The following DYSF variants were observed in gnomAD, a reference collection of about 807,000 sequenced individuals.
The protein encoded by DYSF is dystrophy-associated fer-1-like 1.
DYSF carries 212 observed loss-of-function variants against 274.9 expected under a neutral mutation model. That is an observed-to-expected ratio of 0.77 (90% CI 0.69 to 0.86). The LOEUF (loss-of-function observed/expected upper bound fraction) is 0.86. Among genes scored for constraint, DYSF ranks in the 40% least tolerant of loss-of-function variants. The pLI is 0.00. For missense variants in DYSF, 2,666 were observed against 2,783.2 expected (o/e 0.96, Z 0.95); for synonymous variants, 1,091 against 1,078.7 (o/e 1.01, Z -0.22).
chr2:71,476,607 A>C (rs1405393094), intron 1 of DYSF, among the ~76,000 whole-genome samples: 1 of 151,856 alleles, frequency 6.6e-6, no homozygotes, highest in East Asian at 1.9e-4. Context: ...GATTGCATGC[A>C]CTCACAGTTA....
chr2:71,668,774 C>T lies in DYSF; in HGVS notation c.5478C>T (p.Val1826=), dbSNP rs145143725. The change falls in exon 49 of 56, where the codon GTC becomes GTT. Residue 1826 remains valine, a synonymous_variant. Transcript: ENST00000410020. The stretch of plus-strand genomic sequence containing the variant: ...CGCAGGGGAAGCTGCAGATGTGGGT[C>T]GACCTATTTCCGAAGGCCCTGGGGC... The part of the protein sequence containing the change: ...DIEQGKLQMW[V]DLFPKALGRP... 380 of 1,613,814 alleles carry T rather than the reference C, an allele frequency of 2.4e-4. No individual in the cohort carries two copies. Among genetic ancestry groups the T allele is most frequent in the Middle Eastern group, 4.9e-4 (3 of 6,062 alleles).
chr2:71,586,797 A>T (rs759623075), intron 30 of DYSF, among the ~76,000 whole-genome samples: 12 of 151,956 alleles, frequency 7.9e-5, no homozygotes, highest in Admixed American at 6.5e-5. Flanking sequence ...GAGAGGAAGG[A>T]TGGGGCCCTG....
chr2:71,669,315 A>C, intron 50 of DYSF, 108 bp downstream of exon 50: 1 of 1,062,618 alleles, frequency 9.4e-7, no homozygotes, highest in Non-Finnish European at 1.4e-6. Context: ...AAGAACAAAC[A>C]AACTTCCAAC....
chr2:71,514,375 CT>C (rs2152732700), intron 7 of DYSF, among the ~76,000 whole-genome samples: 1 of 152,246 alleles, frequency 6.6e-6, no homozygotes, highest in African/African-American at 2.4e-5. Context: ...AGATCCTTAC[CT>C]CAAAGAAGCT....
rs777854269 is a variant in DYSF at position 71,568,215 on chromosome 2, C to T, written c.2741C>T (p.Thr914Ile). Residue 914 changes from threonine (T) to isoleucine (I), a missense_variant, in exon 26 of 56, where the codon ACA (threonine) becomes ATA (isoleucine). Around this residue, in one of 3 missense-constraint regions of DYSF, gnomAD observed 412 missense variants for 504.0 expected, o/e 0.82. Coordinates refer to ENST00000410020, the MANE Select transcript of DYSF (RefSeq NM_001130987.2). ...TKLALVGNWG[T>I]TGLTYPKFSD... ...TTGGCCCTTGTTGGGAACTGGGGCACAACGGGCCTCACCTACCCCAAGTTT... is the reference window on the plus strand; with the variant it reads ...TTGGCCCTTGTTGGGAACTGGGGCATAACGGGCCTCACCTACCCCAAGTTT... 3.1e-6 allele frequency: 5 copies of T among 1,614,252 alleles called. No homozygotes were observed. Among genetic ancestry groups the T allele is most frequent in the Non-Finnish European group, 4.2e-6 (5 of 1,180,044 alleles).
At chr2:71,458,275 T>C (rs1244799295) in intron 1 of DYSF, among the ~76,000 whole-genome samples, 2 of 152,206 alleles carry the variant, frequency 1.3e-5, no homozygotes, top group Non-Finnish European at 2.9e-5. Context: ...TTTACATAAA[T>C]TTATTATAAT....
intron 1 of DYSF, among the ~76,000 whole-genome samples, chr2:71,458,015 C>A (rs923259710): frequency 4.6e-5 from 7 of 152,206 alleles, no homozygotes; most frequent in African/African-American, 7.2e-5. Context: ...CAGCATCGAA[C>A]AAGAGGGAGA....
chr2:71,595,598 G>C (rs112097416), intron 32 of DYSF, among the ~76,000 whole-genome samples: 300 of 152,314 alleles, frequency 2.0e-3, no homozygotes, highest in African/African-American at 7.0e-3. Context: ...GGCTCAGCCC[G>C]AACAGCCTGG....
Position 71,570,330 on chromosome 2 carries a change from G to T in DYSF, c.3081G>T (p.Glu1027Asp). 1 of 1,614,046 alleles carries T rather than the reference G, an allele frequency of 6.2e-7. No homozygotes were observed. Among genetic ancestry groups the T allele is most frequent in the Non-Finnish European group, 8.5e-7 (1 of 1,179,962 alleles). The change falls in exon 28 of 56, where the codon GAG becomes GAT. Residue 1027 changes from glutamate (E) to aspartate (D), a missense_variant. Glu to Asp is a conservative substitution (Grantham distance 45). This residue lies in a region of DYSF where 1,460 missense variants were observed against 1,502.1 expected (regional missense o/e 0.97). Transcript: ENST00000410020. ...CAGACCTCAACCGGGCTGTCGATGAGCAAGGTGGGCAGCATGTGGAACCTG... is the reference window on the plus strand; with the variant it reads ...CAGACCTCAACCGGGCTGTCGATGATCAAGGTGGGCAGCATGTGGAACCTG... ...WSTDLNRAVD[E>D]QGWEYSITIP...
At chr2:71,608,285 G>A (rs1172608314) in intron 36 of DYSF, among the ~76,000 whole-genome samples, 2 of 151,972 alleles carry the variant, frequency 1.3e-5, no homozygotes, top group Non-Finnish European at 2.9e-5. Flanking sequence ...TGGGAGATGG[G>A]GATGTCTTTA....
chr2:71,472,833 G>A (rs1001089973), intron 1 of DYSF, among the ~76,000 whole-genome samples: 9 of 152,272 alleles, frequency 5.9e-5, no homozygotes, highest in African/African-American at 2.2e-4. Flanking sequence ...TTCATTAGTT[G>A]CAAGTGCTCT....
intron 6 of DYSF, 119 bp from the exon 7 acceptor site, chr2:71,513,597 G>A (rs1016620272): frequency 1.8e-5 from 19 of 1,032,372 alleles, no homozygotes; most frequent in Non-Finnish European, 2.5e-5. Flanking sequence ...GAGAGGAAGA[G>A]GGGATGAGTC....
intron 1 of DYSF, among the ~76,000 whole-genome samples, chr2:71,470,732 C>A (rs1163405989): frequency 7.9e-6 from 1 of 127,094 alleles, no homozygotes; most frequent in Non-Finnish European, 1.6e-5. Flanking sequence ...TTCCTTCCTT[C>A]CTTCTTTCCT....
At chr2:71,662,884 G>T (rs2094916286) in intron 45 of DYSF, among the ~76,000 whole-genome samples, 1 of 48,212 alleles carries the variant, frequency 2.1e-5, no homozygotes, top group Non-Finnish European at 5.3e-5. Flanking sequence ...GTGTGTGTGT[G>T]TACGTGAGTA....
At chr2:71,509,916 C>T (rs2085904653) in intron 4 of DYSF, among the ~76,000 whole-genome samples, 1 of 152,078 alleles carries the variant, frequency 6.6e-6, no homozygotes, top group Non-Finnish European at 1.5e-5. Flanking sequence ...GCAGGGATTA[C>T]AGGTGCATGC....
At chr2:71,595,266 A>G (rs1171418243) in intron 32 of DYSF, among the ~76,000 whole-genome samples, 5 of 152,188 alleles carry the variant, frequency 3.3e-5, no homozygotes, top group African/African-American at 1.2e-4. Flanking sequence ...TATAGGAAAA[A>G]TATTGCTGGA....
At chr2:71,599,782 G>A (rs962849455) in intron 33 of DYSF, among the ~76,000 whole-genome samples, 1 of 152,236 alleles carries the variant, frequency 6.6e-6, no homozygotes, top group Non-Finnish European at 1.5e-5. Flanking sequence ...CAGACATCAG[G>A]TTCCCTGGGT....
Position 71,617,980 on chromosome 2 carries a change from G to T in DYSF, c.4465-2567G>T, listed in dbSNP as rs543012207. Among the ~76,000 whole-genome samples, 126 of 140,518 alleles carry T rather than the reference G, an allele frequency of 9.0e-4. 1 individual carries two copies. Among genetic ancestry groups the T allele is most frequent in the African/African-American group, 3.2e-3 (121 of 37,626 alleles). 92.2% of individuals were successfully genotyped at this position (140,518 alleles called of 152,430 possible). A position where few individuals can be genotyped will look rare whatever the true frequency, so the allele number is the denominator to read the frequency against. ...GTGTGTTTGGTAGAGGTGTTTGTGT[G>T]GTAGAGGTGAGGTATATGTGTGTGT... On this transcript the variant is annotated intron_variant, in intron 40 of 55. Transcript: ENST00000410020.
chr2:71,523,717 T>C (rs960402300), intron 12 of DYSF, among the ~76,000 whole-genome samples: 18 of 152,062 alleles, frequency 1.2e-4, no homozygotes, highest in African/African-American at 4.1e-4. Context: ...CAGCTAATTT[T>C]TGTATTTTTA....
Sources: gnomAD v4.1 joint callset for allele counts (sites outside exome capture counted in the v4.1 genomes callset) on GRCh38, gnomAD v4.1.1 for gene constraint, gnomAD v4.1.1 regional missense constraint, MANE v1.5 for transcripts, NCBI Gene and HGNC (gene_info 2026-07-23, HGNC 2026-07-21) for gene names.